Variants in TTC17 observed in about 807,000 individuals in gnomAD.
TTC17 encodes tetratricopeptide repeat protein 17.
In TTC17, 58 loss-of-function variants were observed where a neutral mutation model predicts 143.8. That is an observed-to-expected ratio of 0.40 (90% CI 0.33 to 0.50). The LOEUF (loss-of-function observed/expected upper bound fraction) is 0.50, where lower values mean the gene tolerates loss of function less well. Ranked by LOEUF, TTC17 falls within the 20% of genes least tolerant of loss-of-function variation. The pLI, the probability that TTC17 is intolerant of heterozygous loss-of-function variation, is 0.49. For synonymous variants in TTC17, 501 were observed against 497.8 expected, an observed-to-expected ratio of 1.01 and a Z score of -0.09; for missense variants, 1,273 against 1,392.5, an observed-to-expected ratio of 0.91 and a Z score of 1.37.
intron 21 of TTC17, among the ~76,000 whole-genome samples, chr11:43,473,936 C>T (rs142875810): frequency 6.6e-6 from 1 of 150,646 alleles, no homozygotes; most frequent in African/African-American, 2.4e-5. Context: ...AGGGAAGAAA[C>T]TGACTATATC....
chr11:43,477,390 A>G lies in TTC17; in HGVS notation c.3031-12849A>G, dbSNP rs554701263. On this transcript the variant is annotated intron_variant, in intron 21 of 23. Transcript: ENST00000039989. ...GCAGTGCCCCACTCTGCTAGTACCAATTTACTGTATTAGCTTGTTTTCATG... is the reference window on the plus strand; with the variant it reads ...GCAGTGCCCCACTCTGCTAGTACCAGTTTACTGTATTAGCTTGTTTTCATG... Among the ~76,000 whole-genome samples the G allele has an allele frequency of 3.3e-5, 5 of 152,290 alleles. No individual in the cohort carries two copies. The South Asian group carries it at 1.0e-3, about 32-fold the overall frequency.
intron 21 of TTC17, among the ~76,000 whole-genome samples, chr11:43,461,257 G>A (rs925281953): frequency 7.2e-5 from 11 of 151,846 alleles, no homozygotes; most frequent in South Asian, 2.1e-4. Flanking sequence ...AGTGGCGGGC[G>A]CCTGTAGTCC....
chr11:43,431,416 A>G (rs1028640977), intron 16 of TTC17, among the ~76,000 whole-genome samples: 35 of 152,158 alleles, frequency 2.3e-4, no homozygotes, highest in Non-Finnish European at 8.8e-5. Flanking sequence ...CTATTTCTCC[A>G]CATCCTCTCC....
At chr11:43,428,557 G>C (rs1294010869) in intron 16 of TTC17, among the ~76,000 whole-genome samples, 1 of 152,160 alleles carries the variant, frequency 6.6e-6, no homozygotes, top group Non-Finnish European at 1.5e-5. Flanking sequence ...AGTCATTTAA[G>C]AGAAGGCCAC....
chr11:43,375,255 T>C (rs555967778), intron 1 of TTC17, among the ~76,000 whole-genome samples: 3 of 152,200 alleles, frequency 2.0e-5, no homozygotes, highest in South Asian at 2.1e-4. Context: ...ATAATCACCA[T>C]GACCAAGGGA....
At chr11:43,374,765 A>AC (rs1491425451) in intron 1 of TTC17, among the ~76,000 whole-genome samples, 1 of 148,594 alleles carries the variant, frequency 6.7e-6, no homozygotes, top group Non-Finnish European at 1.5e-5. Flanking sequence ...AAAAAAAAAA[A>AC]GGATGTTGGC....
chr11:43,451,165 ATCTTCC>A lies in TTC17; in HGVS notation c.2947-15_2947-10del. On this transcript the variant is annotated splice_polypyrimidine_tract_variant and intron_variant, in intron 20 of 23. Coordinates refer to ENST00000039989, the MANE Select transcript of TTC17 (RefSeq NM_018259.6). ...ATCGTTTTCATTCTTCTAATCTACT[ATCTTCC>A]TTCCTTCCAGGTATTACAAAATCTC... The A allele has an allele frequency of 1.9e-6, 3 of 1,611,314 alleles. No homozygotes were observed. Among genetic ancestry groups the A allele is most frequent in the Non-Finnish European group, 2.5e-6 (3 of 1,177,672 alleles).
intron 1 of TTC17, among the ~76,000 whole-genome samples, chr11:43,363,106 T>G (rs1049675463): frequency 4.6e-5 from 7 of 152,188 alleles, no homozygotes; most frequent in African/African-American, 1.7e-4. Flanking sequence ...ACTTAAGAAG[T>G]GAGCTATTAT....
intron 16 of TTC17, among the ~76,000 whole-genome samples, chr11:43,431,910 C>T (rs2134684298): frequency 6.6e-6 from 1 of 152,316 alleles, no homozygotes; most frequent in East Asian, 1.9e-4. Context: ...CCAGGCTGTA[C>T]CCATAACCAC....
intron 21 of TTC17, among the ~76,000 whole-genome samples, chr11:43,479,855 G>T (rs1170104779): frequency 6.6e-6 from 1 of 152,178 alleles, no homozygotes; most frequent in East Asian, 1.9e-4. Flanking sequence ...GAGAAACTGA[G>T]GAGCTGGAGC....
chr11:43,443,962 C>T, intron 17 of TTC17, 94 bp from the exon 18 acceptor site: 1 of 1,385,480 alleles, frequency 7.2e-7, no homozygotes, highest in South Asian at 1.6e-5. Flanking sequence ...TTAACCTGAG[C>T]ACAGTACTTG....
intron 16 of TTC17, 30 bp downstream of exon 16, chr11:43,414,806 A>G (rs766432580): frequency 1.2e-6 from 2 of 1,601,596 alleles, no homozygotes; most frequent in South Asian, 1.1e-5. Flanking sequence ...TGACAAACTA[A>G]TGAGCTCAGC....
intron 16 of TTC17, among the ~76,000 whole-genome samples, chr11:43,426,612 A>G (rs1483495917): frequency 6.6e-6 from 1 of 152,220 alleles, no homozygotes; most frequent in Non-Finnish European, 1.5e-5. Context: ...TGGTTTGAAT[A>G]TCATACTTGC....
chr11:43,414,756 T>A lies in TTC17; in HGVS notation c.2231T>A (p.Ile744Asn), dbSNP rs748792185. The change falls in exon 16 of 24, where the codon ATC becomes AAC. Residue 744 changes from isoleucine to asparagine, a missense_variant. Coordinates refer to ENST00000039989, the MANE Select transcript of TTC17 (RefSeq NM_018259.6). ...CAGTTTTATCCTTTTCTGTACAACA[T>A]CACTTCTTCTGTTTGCAGTGGTAAG... ...CMQFYPFLYN[I>N]TSSVCSGTVV... 1 of 1,613,396 alleles carries A rather than the reference T, an allele frequency of 6.2e-7. No homozygotes were observed. Among genetic ancestry groups the A allele is most frequent in the South Asian group, 1.1e-5 (1 of 90,954 alleles).
At chr11:43,391,741 A>G in intron 4 of TTC17, 80 bp from the exon 5 acceptor site, 2 of 1,520,922 alleles carry the variant, frequency 1.3e-6, no homozygotes, top group Non-Finnish European at 1.8e-6. Flanking sequence ...GTATTTCAAA[A>G]TAAACACTAC....
At position 43,494,622 on chromosome 11, in the gene TTC17, A is replaced by C. The variant is rs1315768049; in HGVS notation, c.*718A>C. On this transcript the variant is annotated 3_prime_UTR_variant, in exon 24 of 24. Transcript: ENST00000039989. ...TACTTTAATTACAAATCACAAGGAA[A>C]CCAATAAGTTGAAATCCTATATAAC... 6.6e-6 allele frequency: 1 copy of C among 152,152 alleles called. No individual in the cohort carries two copies. The highest frequency in any genetic ancestry group is 2.4e-5 in the African/African-American group (1 of 41,422). 9.4% of individuals were successfully genotyped at this position (152,152 alleles called of 1,614,324 possible).
At chr11:43,462,936 G>A (rs1275750082) in intron 21 of TTC17, among the ~76,000 whole-genome samples, 1 of 59,624 alleles carries the variant, frequency 1.7e-5, no homozygotes, top group East Asian at 2.5e-4. Context: ...TTTTTTTTGA[G>A]ACAGAGTCTC....
intron 16 of TTC17, among the ~76,000 whole-genome samples, chr11:43,438,610 T>A (rs148906531): frequency 6.6e-6 from 1 of 152,340 alleles, no homozygotes; most frequent in East Asian, 1.9e-4. Context: ...TGGCACCCAT[T>A]GATATTACTC....
At chr11:43,359,160 G>C (rs1590289916) in intron 1 of TTC17, 47 bp downstream of exon 1, 1 of 1,521,484 alleles carries the variant, frequency 6.6e-7, no homozygotes, top group East Asian at 2.7e-5. Flanking sequence ...CCTCGCCCCG[G>C]GGGGATTACC....
Sources: allele counts gnomAD v4.1 joint callset (sites outside exome capture counted in the v4.1 genomes callset), GRCh38; gene constraint gnomAD v4.1.1; transcripts MANE v1.5; gene names NCBI Gene and HGNC (gene_info 2026-07-23, HGNC 2026-07-21).